Variants in TAF2 observed in about 807,000 individuals in gnomAD.
The protein encoded by TAF2 is TATA-box binding protein associated factor 2, also known as transcription initiation factor TFIID subunit 2.
A neutral mutation model predicts 138.5 loss-of-function variants in TAF2; 61 were observed. The ratio of observed to expected loss-of-function variants is 0.44; its 90% CI spans 0.36 to 0.54. The LOEUF is 0.54. Among genes scored for constraint, TAF2 ranks in the 20% least tolerant of loss-of-function variants. The probability of loss-of-function intolerance (pLI) is 0.00; values close to 1 mark genes in which losing one functional copy is unlikely to be tolerated. For missense variants in TAF2, 1,090 were observed against 1,427.9 expected, an observed-to-expected ratio of 0.76 and a Z score of 3.81; for synonymous variants, 475 against 469.9, an observed-to-expected ratio of 1.01 and a Z score of -0.14.
At chr8:119,790,026 T>C (rs1001178374) in intron 11 of TAF2, among the ~76,000 whole-genome samples, 1 of 152,108 alleles carries the variant, frequency 6.6e-6, no homozygotes, top group African/African-American at 2.4e-5. Flanking sequence ...ACCTATAATT[T>C]ATTGTAGTTT....
chr8:119,797,409 CAA>C (rs1823905473), intron 7 of TAF2, among the ~76,000 whole-genome samples: 1 of 151,814 alleles, frequency 6.6e-6, no homozygotes, highest in Non-Finnish European at 1.5e-5. Flanking sequence ...TTTATGAACA[CAA>C]GACTAAAACA....
intron 2 of TAF2, among the ~76,000 whole-genome samples, chr8:119,819,862 C>T (rs1207062854): frequency 4.0e-5 from 6 of 151,810 alleles, no homozygotes; most frequent in Non-Finnish European, 7.4e-5. Flanking sequence ...GAATCAAAAT[C>T]AGAAGGGTGA....
chr8:119,760,486 T>C, intron 20 of TAF2, 113 bp downstream of exon 20: 1 of 1,201,862 alleles, frequency 8.3e-7, no homozygotes, highest in Non-Finnish European at 1.1e-6. Context: ...AAGTCAAGAA[T>C]TTAAAATTAA....
Position 119,832,693 on chromosome 8 carries a change from G to T in TAF2, c.-129C>A. On this transcript the variant is annotated 5_prime_UTR_variant, in exon 1 of 26. It adds an upstream start codon to the 5' untranslated region. Coordinates refer to ENST00000378164, the MANE Select transcript of TAF2 (RefSeq NM_003184.4). Reference sequence around the variant, plus strand: ...ACGTCTCGCAGCTGGCCGGTGCCCAGGTGAGCGACCTGACGGGTCGCTGCC... The same window carrying T: ...ACGTCTCGCAGCTGGCCGGTGCCCATGTGAGCGACCTGACGGGTCGCTGCC... 1.2e-6 allele frequency: 1 copy of T among 821,870 alleles called. No homozygotes were observed. Among genetic ancestry groups the T allele is most frequent in the Non-Finnish European group, 1.8e-6 (1 of 544,694 alleles). 50.9% of individuals were successfully genotyped at this position (821,870 alleles called of 1,614,324 possible).
At chr8:119,747,399 T>C (rs1255698618) in intron 22 of TAF2, among the ~76,000 whole-genome samples, 1 of 152,238 alleles carries the variant, frequency 6.6e-6, no homozygotes, top group East Asian at 1.9e-4. Flanking sequence ...CAGTGAGAAC[T>C]TATTTATGAT....
chr8:119,782,301 T>C (rs1351906325), intron 16 of TAF2, among the ~76,000 whole-genome samples: 1 of 152,178 alleles, frequency 6.6e-6, no homozygotes, highest in Admixed American at 6.5e-5. Flanking sequence ...TTTTAGGGTA[T>C]ATAAAAATCA....
At chr8:119,738,167 C>A (rs55957314) in intron 25 of TAF2, among the ~76,000 whole-genome samples, 55,435 of 151,406 alleles carry the variant, frequency 0.37, 11,440 homozygotes, top group African/African-American at 0.55. Flanking sequence ...TTTTCTCTCT[C>A]TATATATGTA....
intron 3 of TAF2, among the ~76,000 whole-genome samples, chr8:119,812,737 GTGTGTGTGTGTGTGTA>G (rs1478049793): frequency 5.1e-5 from 7 of 136,246 alleles, no homozygotes; most frequent in African/African-American, 2.1e-4. Context: ...GTGTGTGTGT[GTGTGTGTGTGTGTGTA>G]TATATGTGTG....
chr8:119,745,032 T>A (rs1416480055), intron 23 of TAF2: 1 of 456,132 alleles, frequency 2.2e-6, no homozygotes, highest in Non-Finnish European at 4.4e-6. Flanking sequence ...AAGGTGATCA[T>A]CTTCCTGCGG....
intron 25 of TAF2, among the ~76,000 whole-genome samples, 152 bp downstream of exon 25, chr8:119,742,376 TTTAAAG>T (rs1819651924): frequency 6.6e-6 from 1 of 152,240 alleles, no homozygotes; most frequent in Admixed American, 6.5e-5. Flanking sequence ...TAAAATAGTC[TTTAAAG>T]TTAGACAATA....
rs1284710765 is a variant in TAF2 at position 119,745,119 on chromosome 8, CA to C, written c.3109-727del. On this transcript the variant is annotated intron_variant, in intron 23 of 25. Transcript: ENST00000378164. ...GCTGAAAACTAATAGCTATAGCAAC[CA>C]TGCAGATTAGAGCATGCCCAGTGCT... 5.7e-5 allele frequency: 25 copies of C among 437,052 alleles called. No homozygotes were observed. In the East Asian group the frequency reaches 7.0e-4, roughly 12 times the overall value. The allele number at this position is 437,052 out of a possible 1,614,324, so 27.1% of individuals were successfully genotyped here.
At chr8:119,826,740 G>A (rs761086881) in intron 2 of TAF2, among the ~76,000 whole-genome samples, 2 of 152,036 alleles carry the variant, frequency 1.3e-5, no homozygotes, top group South Asian at 4.1e-4. Flanking sequence ...ACAGGCATCT[G>A]CCACCACACT....
intron 3 of TAF2, 75 bp downstream of exon 3, chr8:119,819,271 G>C: frequency 6.7e-7 from 1 of 1,496,454 alleles, no homozygotes; most frequent in South Asian, 1.2e-5. Context: ...AATACTTTGA[G>C]AAAAACTAAT....
intron 18 of TAF2, among the ~76,000 whole-genome samples, chr8:119,774,829 A>C (rs1030164952): frequency 3.9e-5 from 6 of 152,140 alleles, no homozygotes; most frequent in Non-Finnish European, 8.8e-5. Context: ...ATTAGAAAGA[A>C]ACTCCAGCAT....
chr8:119,799,960 G>C (rs1824130451), intron 6 of TAF2, among the ~76,000 whole-genome samples: 1 of 152,176 alleles, frequency 6.6e-6, no homozygotes, highest in Non-Finnish European at 1.5e-5. Flanking sequence ...CTTTTGAGAA[G>C]TGTCTGTTCA....
At chr8:119,795,662 T>C (rs774121831) in intron 8 of TAF2, 31 bp from the exon 9 acceptor site, 1 of 1,592,186 alleles carries the variant, frequency 6.3e-7, no homozygotes, top group Admixed American at 1.7e-5. Flanking sequence ...TAAATTACTT[T>C]TAATCATAAA....
At chr8:119,813,350 G>T (rs1158747099) in intron 3 of TAF2, among the ~76,000 whole-genome samples, 1 of 152,206 alleles carries the variant, frequency 6.6e-6, no homozygotes, top group Non-Finnish European at 1.5e-5. Flanking sequence ...TTTACCATGA[G>T]TCTACAAGAA....
In TAF2 at chr8:119,813,008, C is replaced by G. The variant is rs766389534; in HGVS notation, c.299+6338G>C. 5.3e-4 allele frequency among the ~76,000 whole-genome samples: 81 copies of G among 152,314 alleles called. No individual in the cohort carries two copies. In the Middle Eastern group the frequency reaches 0.014, roughly 26 times the overall value. ...ATAAAGTGGTAGATCTACTTGAACTCTCCATACTGTTTTCCACACAGCTTG... is the reference window on the plus strand; with the variant it reads ...ATAAAGTGGTAGATCTACTTGAACTGTCCATACTGTTTTCCACACAGCTTG... On this transcript the variant is annotated intron_variant, in intron 3 of 25. Coordinates refer to ENST00000378164, the MANE Select transcript of TAF2 (RefSeq NM_003184.4).
At chr8:119,733,784 C>CCT (rs1563806501) in intron 25 of TAF2, among the ~76,000 whole-genome samples, 3 of 151,888 alleles carry the variant, frequency 2.0e-5, no homozygotes, top group African/African-American at 7.3e-5. Flanking sequence ...AAATCCGCCC[C>CCT]CCCCCATCCT....
Sources: gnomAD v4.1 joint callset for allele counts (sites outside exome capture counted in the v4.1 genomes callset) on GRCh38, gnomAD v4.1.1 for gene constraint, MANE v1.5 for transcripts, NCBI Gene and HGNC (gene_info 2026-07-23, HGNC 2026-07-21) for gene names.